Variants in SLC12A1 observed in about 807,000 individuals in gnomAD.
SLC12A1 encodes the protein solute carrier family 12 member 1, also known as Na-K-2Cl cotransporter.
In SLC12A1, 89 loss-of-function variants were observed where a neutral mutation model predicts 130.4. The ratio of observed to expected loss-of-function variants is 0.68; its 90% CI spans 0.58 to 0.81. The LOEUF (loss-of-function observed/expected upper bound fraction) is 0.81, where lower values mean the gene tolerates loss of function less well. SLC12A1 is among the 40% of genes least tolerant of loss of function. The probability of loss-of-function intolerance (pLI) is 0.00; values close to 1 mark genes in which losing one functional copy is unlikely to be tolerated. For synonymous variants in SLC12A1, 499 were observed against 460.0 expected (o/e 1.08, Z -1.09); for missense variants, 1,310 against 1,336.4 (o/e 0.98, Z 0.31).
intron 19 of SLC12A1, 109 bp from the exon 20 acceptor site, chr15:48,274,462 T>A: frequency 1.3e-6 from 1 of 741,090 alleles, no homozygotes; most frequent in South Asian, 1.5e-5. Flanking sequence ...TAAGGTGGAT[T>A]TTAATAGTTT....
intron 21 of SLC12A1, 24 bp from the exon 22 acceptor site, chr15:48,288,019 G>A (rs1184974432): frequency 5.6e-6 from 9 of 1,600,640 alleles, no homozygotes; most frequent in Non-Finnish European, 7.7e-6. Context: ...GCAAACAGAT[G>A]CATCAATTCC....
intron 15 of SLC12A1, among the ~76,000 whole-genome samples, chr15:48,254,366 A>G (rs748109471): frequency 6.6e-6 from 1 of 152,036 alleles, no homozygotes. Flanking sequence ...TTTTATCCCT[A>G]TAAAAATAAA....
intron 17 of SLC12A1, among the ~76,000 whole-genome samples, chr15:48,260,430 C>T (rs879828818): frequency 6.6e-5 from 10 of 151,066 alleles, no homozygotes; most frequent in Non-Finnish European, 1.2e-4. Flanking sequence ...TACTTAAGTA[C>T]TTACGTATTC....
intron 8 of SLC12A1, among the ~76,000 whole-genome samples, chr15:48,233,807 C>G (rs560719600): frequency 6.6e-6 from 1 of 152,226 alleles, no homozygotes; most frequent in Admixed American, 6.5e-5. Flanking sequence ...TCCCTCCCTT[C>G]CCATTCCTAC....
At chr15:48,294,092 G>C (rs2042148292) in intron 24 of SLC12A1, among the ~76,000 whole-genome samples, 1 of 151,560 alleles carries the variant, frequency 6.6e-6, no homozygotes, top group Admixed American at 6.6e-5. Flanking sequence ...ACTCACGCCT[G>C]TAATCCCAGC....
At chr15:48,222,791 G>T (rs1182798724) in intron 4 of SLC12A1, 1 of 152,160 alleles carries the variant, frequency 6.6e-6, no homozygotes, top group East Asian at 1.9e-4. Flanking sequence ...TCTTGCTTTG[G>T]GGGTAGATTG....
chr15:48,219,617 A>G (rs1291352458), intron 2 of SLC12A1, among the ~76,000 whole-genome samples: 1 of 151,904 alleles, frequency 6.6e-6, no homozygotes, highest in East Asian at 1.9e-4. Flanking sequence ...AGAGAGAGAG[A>G]AGGAAAGAAA....
In SLC12A1 at chr15:48,207,944, A is replaced by C; in HGVS notation, c.225A>C (p.Gln75His). Residue 75 changes from glutamine to histidine, a missense_variant, in exon 2 of 27, where the codon CAA becomes CAC. Physicochemically the swap from Gln to His is conservative, Grantham distance 24. Coordinates refer to ENST00000380993, the MANE Select transcript of SLC12A1 (RefSeq NM_000338.3). ...GNQECYDNFLQSGETAKTDAS... is the reference protein window; with the variant it reads ...GNQECYDNFLHSGETAKTDAS... Reference sequence around the variant, plus strand: ...AGGAGTGCTATGACAATTTCCTCCAAAGTGGAGAAACTGCTAAAACAGATG... The same window carrying C: ...AGGAGTGCTATGACAATTTCCTCCACAGTGGAGAAACTGCTAAAACAGATG... The C allele has an allele frequency of 6.2e-7, 1 of 1,614,006 alleles. No homozygotes were observed. Among genetic ancestry groups the C allele is most frequent in the Non-Finnish European group, 8.5e-7 (1 of 1,179,884 alleles).
At chr15:48,241,642 G>A (rs2041517295) in intron 10 of SLC12A1, 43 bp downstream of exon 10, 6 of 1,394,120 alleles carry the variant, frequency 4.3e-6, no homozygotes, top group Non-Finnish European at 6.1e-6. Context: ...GAATTACGAG[G>A]GGTCCAGTTG....
chr15:48,288,148 A>G lies in SLC12A1; in HGVS notation c.2735A>G (p.Asp912Gly), dbSNP rs780687267. 6.2e-7 allele frequency: 1 copy of G among 1,610,086 alleles called. No individual in the cohort carries two copies. Among genetic ancestry groups the G allele is most frequent in the East Asian group, 2.2e-5 (1 of 44,840 alleles). ...AAGAAACAAGAAAAAGGCACAATTG[A>G]TGTTTGGTGGTTGTTTGATGATGGA... ...FKKKQEKGTI[D>G]VWWLFDDGGL... is the part of the protein sequence containing the mutation. Residue 912 changes from aspartate to glycine, a missense_variant, in exon 22 of 27, where the codon GAT (aspartate) becomes GGT (glycine). Asp to Gly is a moderately conservative substitution (Grantham distance 94, BLOSUM62 -1). Coordinates refer to ENST00000380993, the MANE Select transcript of SLC12A1 (RefSeq NM_000338.3).
chr15:48,246,146 C>G (rs1344538755), intron 11 of SLC12A1, among the ~76,000 whole-genome samples: 1 of 152,180 alleles, frequency 6.6e-6, no homozygotes, highest in African/African-American at 2.4e-5. Context: ...GATAGAATCA[C>G]ATCATGTCTC....
chr15:48,230,254 G>A, intron 6 of SLC12A1, 139 bp from the exon 7 acceptor site: 1 of 596,082 alleles, frequency 1.7e-6, no homozygotes. Context: ...CTTCATAAAT[G>A]TATGAATACT....
rs1429352452 is a variant in SLC12A1, at chr15:48,291,814, T to G, written c.2910T>G (p.Phe970Leu). 3.2e-6 allele frequency: 5 copies of G among 1,571,362 alleles called. No individual in the cohort carries two copies. Among genetic ancestry groups the G allele is most frequent in the Non-Finnish European group, 4.3e-6 (5 of 1,156,698 alleles). The change falls in exon 24 of 27, where the codon TTT (phenylalanine) becomes TTG (leucine). Residue 970 changes from phenylalanine (F) to leucine (L), a missense_variant. Coordinates refer to ENST00000380993, the MANE Select transcript of SLC12A1 (RefSeq NM_000338.3). ...ASLLSKFRIKFADIHIIGDIN... is the reference protein window; with the variant it reads ...ASLLSKFRIKLADIHIIGDIN... ...TTCTGAGCAAATTTAGGATAAAATT[T>G]GCAGACATCCATATCATCGGTGACA...
chr15:48,236,965 A>C, intron 9 of SLC12A1: 2 of 694,280 alleles, frequency 2.9e-6, no homozygotes, highest in Non-Finnish European at 5.2e-6. Flanking sequence ...GCTGGCCCTC[A>C]CTGAGTGCCT....
chr15:48,242,936 A>T (rs1370607905), intron 10 of SLC12A1, among the ~76,000 whole-genome samples: 3 of 152,246 alleles, frequency 2.0e-5, no homozygotes, highest in Non-Finnish European at 4.4e-5. Context: ...ACTAAAGTTA[A>T]ATTTCCCGAG....
At chr15:48,271,747 G>A (rs2141093756) in intron 19 of SLC12A1, among the ~76,000 whole-genome samples, 1 of 152,310 alleles carries the variant, frequency 6.6e-6, no homozygotes, top group East Asian at 1.9e-4. Context: ...TATAAGTTCA[G>A]TAAGTTAAGG....
At chr15:48,226,624 C>T in intron 5 of SLC12A1, 53 bp downstream of exon 5, 1 of 1,069,008 alleles carries the variant, frequency 9.4e-7, no homozygotes, top group Non-Finnish European at 1.4e-6. Context: ...GGTAGGCGAA[C>T]AATTTTTTAT....
intron 23 of SLC12A1, 69 bp downstream of exon 23, chr15:48,288,585 A>G (rs945071102): frequency 2.6e-6 from 2 of 760,868 alleles, no homozygotes; most frequent in African/African-American, 1.7e-5. Context: ...TAATTTTAAT[A>G]ACTTTAAGTG....
chr15:48,222,698 A>T (rs1380696738), intron 4 of SLC12A1: 1 of 152,162 alleles, frequency 6.6e-6, no homozygotes, highest in Non-Finnish European at 1.5e-5. Context: ...TATGAACCTA[A>T]AACTTAATGA....
Sources: gnomAD v4.1 joint callset for allele counts (sites outside exome capture counted in the v4.1 genomes callset) on GRCh38, gnomAD v4.1.1 for gene constraint, MANE v1.5 for transcripts, NCBI Gene and HGNC (gene_info 2026-07-23, HGNC 2026-07-21) for gene names.